The following XPR1 variants were observed in gnomAD, a reference collection of about 807,000 sequenced individuals.
The protein encoded by XPR1 is xenotropic and polytropic retrovirus receptor 1, also known as solute carrier family 53 member 1.
A neutral mutation model predicts 87.5 loss-of-function variants in XPR1; 28 were observed. That is an observed-to-expected ratio of 0.32 (90% confidence interval 0.24 to 0.44). The LOEUF (loss-of-function observed/expected upper bound fraction) is 0.44, where lower values mean the gene tolerates loss of function less well. XPR1 is among the 20% of genes least tolerant of loss of function. The pLI, the probability that XPR1 is intolerant of heterozygous loss-of-function variation, is 1.00. For missense variants in XPR1, 559 were observed against 862.3 expected (o/e 0.65, Z 4.41); for synonymous variants, 300 against 306.1 (o/e 0.98, Z 0.21).
intron 2 of XPR1, among the ~76,000 whole-genome samples, chr1:180,691,091 T>G (rs1385301924): frequency 2.0e-5 from 3 of 152,114 alleles, no homozygotes; most frequent in African/African-American, 7.2e-5. Flanking sequence ...TTTTTAAAAT[T>G]AGTAGAGGAG....
chr1:180,659,382 TC>T (rs1452742138), intron 1 of XPR1, among the ~76,000 whole-genome samples: 4,067 of 16,006 alleles, frequency 0.25, 400 homozygotes, highest in African/African-American at 0.46. Context: ...CGTCCTTCCG[TC>T]CTTCCTTCCT....
intron 2 of XPR1, among the ~76,000 whole-genome samples, chr1:180,710,460 T>G (rs1390720465): frequency 2.0e-5 from 3 of 152,134 alleles, no homozygotes; most frequent in Non-Finnish European, 2.9e-5. Flanking sequence ...TGCGCCGCCC[T>G]TAATCCCTTT....
intron 2 of XPR1, among the ~76,000 whole-genome samples, chr1:180,781,719 G>A (rs1228864918): frequency 6.6e-6 from 1 of 151,234 alleles, no homozygotes; most frequent in Non-Finnish European, 1.5e-5. Context: ...TGTACAACGT[G>A]CAGACTTGTT....
At chr1:180,737,129 TA>T (rs1172447387) in intron 2 of XPR1, among the ~76,000 whole-genome samples, 2 of 152,166 alleles carry the variant, frequency 1.3e-5, no homozygotes, top group African/African-American at 4.8e-5. Flanking sequence ...GGCCTTTGTT[TA>T]AAGACTTTAC....
chr1:180,779,770 C>T (rs1165099276), intron 2 of XPR1, among the ~76,000 whole-genome samples: 2 of 152,042 alleles, frequency 1.3e-5, no homozygotes, highest in Non-Finnish European at 2.9e-5. Flanking sequence ...AATATATTCA[C>T]AAGTTTGTGC....
intron 2 of XPR1, among the ~76,000 whole-genome samples, chr1:180,738,965 A>G (rs914190410): frequency 1.3e-5 from 2 of 152,150 alleles, no homozygotes; most frequent in Non-Finnish European, 2.9e-5. Flanking sequence ...TATGGTCACA[A>G]AGATTTTCTC....
intron 2 of XPR1, among the ~76,000 whole-genome samples, chr1:180,774,018 G>A (rs186562231): frequency 1.3e-5 from 2 of 152,002 alleles, no homozygotes; most frequent in East Asian, 3.9e-4. Context: ...ATATACATTT[G>A]CTTTGTTCTG....
At chr1:180,843,113 C>T (rs1053370467) in intron 11 of XPR1, among the ~76,000 whole-genome samples, 1 of 152,178 alleles carries the variant, frequency 6.6e-6, no homozygotes, top group African/African-American at 2.4e-5. Context: ...TTTGAGTGAG[C>T]ACACATAGTC....
At chr1:180,836,744 T>A (rs1367768986) in intron 11 of XPR1, 28 bp downstream of exon 11, 1 of 1,608,822 alleles carries the variant, frequency 6.2e-7, no homozygotes, top group Non-Finnish European at 8.5e-7. Flanking sequence ...CTGAAGAGAT[T>A]TTTTTAAACC....
At chr1:180,768,610 T>C (rs1465836244) in intron 2 of XPR1, among the ~76,000 whole-genome samples, 1 of 152,236 alleles carries the variant, frequency 6.6e-6, no homozygotes, top group Non-Finnish European at 1.5e-5. Flanking sequence ...GTAGAAAATA[T>C]TAAGTGTAGG....
chr1:180,883,151 A>G (rs1040020831), intron 14 of XPR1, among the ~76,000 whole-genome samples: 1 of 77,816 alleles, frequency 1.3e-5, no homozygotes, highest in Non-Finnish European at 3.1e-5. Flanking sequence ...TTTTTTTTTA[A>G]GACAGGGTCT....
At chr1:180,727,182 C>A (rs1658384610) in intron 2 of XPR1, among the ~76,000 whole-genome samples, 1 of 151,952 alleles carries the variant, frequency 6.6e-6, no homozygotes. Flanking sequence ...GCTTTAATCT[C>A]TAATATGATG....
chr1:180,712,099 A>G (rs1657819304), intron 2 of XPR1, among the ~76,000 whole-genome samples: 4 of 152,238 alleles, frequency 2.6e-5, no homozygotes, highest in Admixed American at 1.3e-4. Flanking sequence ...ACATTTATAC[A>G]TACATATGAT....
intron 3 of XPR1, among the ~76,000 whole-genome samples, chr1:180,791,526 C>T (rs1182973352): frequency 6.6e-6 from 1 of 151,332 alleles, no homozygotes; most frequent in Non-Finnish European, 1.5e-5. Flanking sequence ...ATTCACCCAC[C>T]TTGGTCTCCC....
At chr1:180,636,766 AG>A (rs773141402) in intron 1 of XPR1, among the ~76,000 whole-genome samples, 22 of 152,114 alleles carry the variant, frequency 1.4e-4, no homozygotes, top group Non-Finnish European at 2.4e-4. Context: ...TAGAAAAGTA[AG>A]GGGGCTGGAC....
In XPR1 at chr1:180,884,166, AAACACAT is replaced by A. The variant is rs1652933511; in HGVS notation, c.*108_*114del. ...TACCTTTCCAGCCGAAAACAGGAGA[AAACACAT>A]AACACATTTTCCGAGCTCTTCCGGA... On this transcript the variant is annotated 3_prime_UTR_variant, in exon 15 of 15. Transcript: ENST00000367590. 10 of 1,020,172 alleles carry A rather than the reference AAACACAT, an allele frequency of 9.8e-6. No individual in the cohort carries two copies. In the South Asian group the frequency reaches 1.6e-4, roughly 17 times the overall value. The allele number at this position is 1,020,172 out of a possible 1,614,324, so 63.2% of individuals were successfully genotyped here.
chr1:180,815,642 G>A (rs775746578), intron 7 of XPR1, among the ~76,000 whole-genome samples: 8 of 152,086 alleles, frequency 5.3e-5, no homozygotes, highest in Non-Finnish European at 7.4e-5. Flanking sequence ...TCATTAAGAT[G>A]AAAAGTTGAC....
chr1:180,793,697 T>C (rs180826378), intron 3 of XPR1, among the ~76,000 whole-genome samples: 1 of 152,302 alleles, frequency 6.6e-6, no homozygotes, highest in African/African-American at 2.4e-5. Flanking sequence ...CACTCTTGCT[T>C]GCTTTGTTGT....
rs190540015 is a variant in XPR1 at position 180,655,988 on chromosome 1, T to A, written c.69+23718T>A. 1.2e-3 allele frequency among the ~76,000 whole-genome samples: 189 copies of A among 152,162 alleles called. 1 individual carries two copies. The highest frequency in any genetic ancestry group is 4.2e-3 in the African/African-American group (175 of 41,526). ...TCTAATTATCCTCTCTTAGTTATTT[T>A]AAAATGTACAATGAAATTATTGACT... On this transcript the variant is annotated intron_variant, in intron 1 of 14. Coordinates refer to ENST00000367590, the MANE Select transcript of XPR1 (RefSeq NM_004736.4).
Sources: allele counts gnomAD v4.1 joint callset (sites outside exome capture counted in the v4.1 genomes callset), GRCh38; gene constraint gnomAD v4.1.1; transcripts MANE v1.5; gene names NCBI Gene and HGNC (gene_info 2026-07-23, HGNC 2026-07-21).